The following CALN1 variants were observed in gnomAD, a reference collection of about 807,000 sequenced individuals.
CALN1 encodes the protein calcium-binding protein 8.
In CALN1, 17 loss-of-function variants were observed where a neutral mutation model predicts 30.6. The observed-to-expected ratio is 0.56, with a 90% CI of 0.38 to 0.83. CALN1 has a LOEUF of 0.83. Ranked by LOEUF, CALN1 falls within the 40% of genes least tolerant of loss-of-function variation. The probability of loss-of-function intolerance (pLI) is 0.00; values close to 1 mark genes in which losing one functional copy is unlikely to be tolerated. For missense variants in CALN1, 291 were observed against 354.9 expected (o/e 0.82, Z 1.45); for synonymous variants, 156 against 131.4 (o/e 1.19, Z -1.28).
At chr7:72,409,263 G>A (rs1585688541) in intron 1 of CALN1, among the ~76,000 whole-genome samples, 3 of 151,990 alleles carry the variant, frequency 2.0e-5, no homozygotes, top group South Asian at 4.2e-4. Flanking sequence ...CAAAATGCTG[G>A]GATTACAGGC....
chr7:71,953,032 C>T (rs115724132), intron 5 of CALN1, among the ~76,000 whole-genome samples: 261 of 152,308 alleles, frequency 1.7e-3, no homozygotes, highest in African/African-American at 6.2e-3. Flanking sequence ...CCACAGCTCA[C>T]TGCAGCCTCA....
chr7:72,233,085 T>A (rs1236793059), intron 3 of CALN1, among the ~76,000 whole-genome samples: 1 of 152,052 alleles, frequency 6.6e-6, no homozygotes, highest in Non-Finnish European at 1.5e-5. Context: ...CTTTCTCTGA[T>A]TGTTGATGAA....
intron 5 of CALN1, among the ~76,000 whole-genome samples, chr7:71,813,615 C>T (rs111492706): frequency 1.0e-3 from 158 of 152,250 alleles, no homozygotes; most frequent in African/African-American, 3.7e-3. Flanking sequence ...TTAAAAGACA[C>T]TATAACTGTT....
At chr7:72,126,326 A>C (rs1808762943) in intron 3 of CALN1, among the ~76,000 whole-genome samples, 1 of 152,054 alleles carries the variant, frequency 6.6e-6, no homozygotes, top group Non-Finnish European at 1.5e-5. Flanking sequence ...ATGGGCTTTT[A>C]GGTTGGTTCC....
intron 2 of CALN1, among the ~76,000 whole-genome samples, chr7:72,335,457 G>A (rs541789958): frequency 2.8e-4 from 42 of 152,290 alleles, no homozygotes; most frequent in South Asian, 2.1e-3. Flanking sequence ...TTCTGAGAAG[G>A]TCATCCCAAC....
At chr7:71,937,117 T>C (rs1024389060) in intron 5 of CALN1, among the ~76,000 whole-genome samples, 2 of 152,110 alleles carry the variant, frequency 1.3e-5, no homozygotes, top group Non-Finnish European at 1.5e-5. Context: ...CTAATCTATA[T>C]ATCACACGTA....
chr7:72,199,199 T>C (rs1338278219), intron 3 of CALN1, among the ~76,000 whole-genome samples: 1 of 152,124 alleles, frequency 6.6e-6, no homozygotes, highest in African/African-American at 2.4e-5. Flanking sequence ...TGTTTGAACC[T>C]GAGAGGTGAA....
chr7:72,309,045 C>A (rs181131654), intron 2 of CALN1, among the ~76,000 whole-genome samples: 62 of 152,238 alleles, frequency 4.1e-4, no homozygotes, highest in Admixed American at 3.3e-3. Context: ...GAGCACAGGC[C>A]AATTAAATAA....
chr7:72,488,547 C>T, the CALN1 span, among the ~76,000 whole-genome samples: 2 of 152,124 alleles, frequency 1.3e-5, no homozygotes, highest in South Asian at 2.1e-4. Context: ...TATTAATGGG[C>T]CACAGAGTAC....
intron 1 of CALN1, among the ~76,000 whole-genome samples, chr7:72,410,562 T>G (rs1026291213): frequency 6.6e-6 from 1 of 152,194 alleles, no homozygotes; most frequent in Non-Finnish European, 1.5e-5. Context: ...AAATGAGCTT[T>G]TCAAATCAGC....
intron 5 of CALN1, among the ~76,000 whole-genome samples, chr7:71,992,871 T>C (rs999686253): frequency 6.6e-6 from 1 of 152,192 alleles, no homozygotes; most frequent in African/African-American, 2.4e-5. Flanking sequence ...TCACGATCAC[T>C]GGCCTCTTTT....
chr7:72,057,678 T>C (rs561567546), intron 4 of CALN1, among the ~76,000 whole-genome samples: 28 of 152,042 alleles, frequency 1.8e-4, no homozygotes, highest in Non-Finnish European at 4.0e-4. Context: ...AGATTACATG[T>C]TATTAAAACT....
At chr7:72,005,807 G>T (rs1015211316) in intron 5 of CALN1, among the ~76,000 whole-genome samples, 2 of 151,880 alleles carry the variant, frequency 1.3e-5, no homozygotes, top group South Asian at 4.2e-4. Flanking sequence ...AGGGGTGGGG[G>T]TGGGAATGAG....
chr7:72,366,010 T>C (rs372523417), intron 2 of CALN1, among the ~76,000 whole-genome samples: 4 of 152,204 alleles, frequency 2.6e-5, no homozygotes, highest in African/African-American at 9.6e-5. Flanking sequence ...TGATAATCAG[T>C]CAATTGCATA....
intron 5 of CALN1, among the ~76,000 whole-genome samples, chr7:71,834,743 T>C (rs1290162213): frequency 6.6e-6 from 1 of 152,204 alleles, no homozygotes; most frequent in Non-Finnish European, 1.5e-5. Context: ...CCTCTGTTCA[T>C]TAAACAGATG....
At chr7:72,247,227 CTTTTTTT>C (rs764276435) in intron 3 of CALN1, among the ~76,000 whole-genome samples, 2 of 77,706 alleles carry the variant, frequency 2.6e-5, no homozygotes, top group African/African-American at 5.5e-5. Context: ...CATTTTCTTT[CTTTTTTT>C]TTTTTTTTTT....
At position 72,412,053 on chromosome 7, in the gene CALN1, C is replaced by A. The variant is rs879436252; in HGVS notation, c.-74+5G>T. On this transcript the variant is annotated splice_donor_5th_base_variant and intron_variant, in intron 1 of 6. Transcript: ENST00000395275. ...CCCACCATGCTCTTTAGTTTCTGTG[C>A]CCACCTGTGTGCGGAATTTATTCCT... is the stretch of plus-strand genomic sequence containing the variant. 6.6e-6 allele frequency: 1 copy of A among 152,202 alleles called. No individual in the cohort carries two copies. Among genetic ancestry groups the A allele is most frequent in the Non-Finnish European group, 1.5e-5 (1 of 68,048 alleles). 9.4% of individuals were successfully genotyped at this position (152,202 alleles called of 1,614,324 possible). A position where few individuals can be genotyped will look rare whatever the true frequency, so the allele number is the denominator to read the frequency against.
At chr7:72,064,728 A>T (rs1368289611) in intron 4 of CALN1, among the ~76,000 whole-genome samples, 1 of 152,122 alleles carries the variant, frequency 6.6e-6, no homozygotes, top group Non-Finnish European at 1.5e-5. Flanking sequence ...TTGATTAGGG[A>T]TGCACAACCA....
At chr7:72,263,035 T>C (rs1054894355) in intron 3 of CALN1, among the ~76,000 whole-genome samples, 17 of 152,238 alleles carry the variant, frequency 1.1e-4, no homozygotes, top group African/African-American at 3.9e-4. Flanking sequence ...AACAATTGCA[T>C]TGGACCCTGT....
Sources: gnomAD v4.1 joint callset for allele counts (sites outside exome capture counted in the v4.1 genomes callset) on GRCh38, gnomAD v4.1.1 for gene constraint, MANE v1.5 for transcripts, NCBI Gene and HGNC (gene_info 2026-07-23, HGNC 2026-07-21) for gene names.